The following CACNB4 variants were observed in gnomAD, a reference collection of about 807,000 sequenced individuals.
The protein encoded by CACNB4 is calcium voltage-gated channel auxiliary subunit beta 4, also known as voltage-dependent L-type calcium channel subunit beta-4.
Under a neutral mutation model 71.2 loss-of-function variants are expected in CACNB4, and 32 were observed. The ratio of observed to expected loss-of-function variants is 0.45; its 90% CI spans 0.34 to 0.60. CACNB4 has a LOEUF of 0.60. Among genes scored for constraint, CACNB4 ranks in the 20% least tolerant of loss-of-function variants. The probability of loss-of-function intolerance (pLI) is 0.01; values close to 1 mark genes in which losing one functional copy is unlikely to be tolerated. For synonymous variants in CACNB4, 231 were observed against 236.9 expected, an observed-to-expected ratio of 0.97 and a Z score of 0.23; for missense variants, 464 against 647.9, an observed-to-expected ratio of 0.72 and a Z score of 3.08.
chr2:151,903,115 A>C (rs753339316), intron 2 of CACNB4, among the ~76,000 whole-genome samples: 2 of 152,200 alleles, frequency 1.3e-5, no homozygotes, highest in Non-Finnish European at 2.9e-5. Flanking sequence ...TATATTTACT[A>C]AGATTAGGTA....
chr2:151,982,494 C>G (rs1029610816), intron 2 of CACNB4, among the ~76,000 whole-genome samples: 1 of 152,010 alleles, frequency 6.6e-6, no homozygotes, highest in African/African-American at 2.4e-5. Flanking sequence ...ATCAGCCAGG[C>G]GTGGTGGCTG....
Position 152,098,582 on chromosome 2 carries a change from C to CCCCAAAA in CACNB4, c.64-170_64-169insTTTTGGG. On this transcript the variant is annotated intron_variant, in intron 1 of 13. Transcript: ENST00000539935. The surrounding 1 kb of genome is among the most constrained non-coding windows in gnomAD (Gnocchi z 5.3). ...AAATACAGCCCCCACCCCCACCCAC[C>CCCCAAAA]CACTGCAAGCCTCGACTGCTGAAAA... The CCCCAAAA allele has an allele frequency of 9.9e-7, 1 of 1,009,710 alleles. No homozygotes were observed. Among genetic ancestry groups the CCCCAAAA allele is most frequent in the Non-Finnish European group, 1.5e-6 (1 of 651,340 alleles). 62.5% of individuals were successfully genotyped at this position (1,009,710 alleles called of 1,614,324 possible).
intron 2 of CACNB4, among the ~76,000 whole-genome samples, chr2:152,048,120 T>C (rs1158013199): frequency 6.6e-6 from 1 of 152,098 alleles, no homozygotes. Context: ...ACCAGATGAC[T>C]CTTTGTTATG....
At chr2:151,952,168 C>G (rs748505270) in intron 2 of CACNB4, among the ~76,000 whole-genome samples, 5 of 152,106 alleles carry the variant, frequency 3.3e-5, no homozygotes, top group Non-Finnish European at 5.9e-5. Flanking sequence ...CAAATATCAA[C>G]TAATCAGAGT....
chr2:151,986,036 T>C (rs2151756050), intron 2 of CACNB4, among the ~76,000 whole-genome samples: 1 of 152,322 alleles, frequency 6.6e-6, no homozygotes, highest in South Asian at 2.1e-4. Context: ...TAGTTAGGTA[T>C]CATATCTGGT....
chr2:151,838,976 T>G lies in CACNB4; in HGVS notation c.*143A>C. The G allele has an allele frequency of 1.6e-6, 1 of 637,082 alleles. No homozygotes were observed. Among genetic ancestry groups the G allele is most frequent in the Non-Finnish European group, 2.6e-6 (1 of 381,164 alleles). 39.5% of individuals were successfully genotyped at this position (637,082 alleles called of 1,614,324 possible). A position where few individuals can be genotyped will look rare whatever the true frequency, so the allele number is the denominator to read the frequency against. The stretch of plus-strand genomic sequence containing the variant: ...TCAAGGGCATAATGTAATTTTTTTT[T>G]TTGCCCCTTACTTAGCATAAAATGA... On this transcript the variant is annotated 3_prime_UTR_variant, in exon 14 of 14. Transcript: ENST00000539935.
intron 2 of CACNB4, among the ~76,000 whole-genome samples, chr2:151,920,467 C>G (rs977048772): frequency 6.6e-6 from 1 of 151,834 alleles, no homozygotes; most frequent in African/African-American, 2.4e-5. Flanking sequence ...GGACTACAGG[C>G]ACGTGCCACC....
At chr2:152,022,670 T>C (rs949258087) in intron 2 of CACNB4, among the ~76,000 whole-genome samples, 1 of 152,250 alleles carries the variant, frequency 6.6e-6, no homozygotes, top group Non-Finnish European at 1.5e-5. Context: ...CCATGCAATA[T>C]GCATGTTTAC....
intron 2 of CACNB4, among the ~76,000 whole-genome samples, chr2:152,026,559 A>T (rs982429569): frequency 1.4e-4 from 21 of 152,026 alleles, no homozygotes; most frequent in African/African-American, 5.1e-4. Context: ...TAATTTTTGT[A>T]CTTTTAGCAG....
intron 11 of CACNB4, chr2:151,854,568 C>T (rs940358552): frequency 1.3e-5 from 2 of 152,160 alleles, no homozygotes; most frequent in African/African-American, 4.8e-5. Context: ...AACCATTTCA[C>T]GTTAACTTTT....
chr2:151,841,624 T>C lies in CACNB4; in HGVS notation c.1302+279A>G. 2 of 353,676 alleles carry C rather than the reference T, an allele frequency of 5.7e-6. 1 individual carries two copies. The highest frequency in any genetic ancestry group is 6.7e-5 in the South Asian group (2 of 29,726). The allele number at this position is 353,676 out of a possible 1,614,324, so 21.9% of individuals were successfully genotyped here. A position where few individuals can be genotyped will look rare whatever the true frequency, so the allele number is the denominator to read the frequency against. On this transcript the variant is annotated intron_variant, in intron 13 of 13. Transcript: ENST00000539935. The stretch of plus-strand genomic sequence containing the variant: ...AATGGGCAGGTGCATTGAGTAGGCA[T>C]TACGTTTGCCAGCAGAGTTTAGACA...
At chr2:151,982,662 T>C (rs2099874935) in intron 2 of CACNB4, among the ~76,000 whole-genome samples, 1 of 150,582 alleles carries the variant, frequency 6.6e-6, no homozygotes, top group African/African-American at 2.4e-5. Flanking sequence ...AGATACTGAC[T>C]GCCTTCCCAT....
intron 9 of CACNB4, chr2:151,868,456 G>A (rs1237834279): frequency 6.6e-6 from 1 of 152,046 alleles, no homozygotes; most frequent in Non-Finnish European, 1.5e-5. Context: ...ATTTAGAATT[G>A]AGTCAATACA....
chr2:151,917,577 C>T (rs2099857840), intron 2 of CACNB4, among the ~76,000 whole-genome samples: 1 of 152,140 alleles, frequency 6.6e-6, no homozygotes, highest in South Asian at 2.1e-4. Context: ...TGGCTCATGC[C>T]TGTAATCTCA....
chr2:151,884,390 G>A (rs1323407943), intron 2 of CACNB4, among the ~76,000 whole-genome samples: 2 of 149,360 alleles, frequency 1.3e-5, no homozygotes, highest in Non-Finnish European at 1.5e-5. Context: ...TTGGGAGGCC[G>A]AGGTGGGAGG....
At chr2:151,861,851 A>AAAAAAACAACAAAAAAAAAAAAAC (rs1553750171) in intron 9 of CACNB4, 2 of 135,288 alleles carry the variant, frequency 1.5e-5, no homozygotes. Context: ...TCAAAAAAAA[A>AAAAAAACAACAAAAAAAAAAAAAC]AAAAAAACTG....
chr2:151,973,760 T>A, intron 2 of CACNB4: 1 of 1,601,384 alleles, frequency 6.2e-7, no homozygotes, highest in Admixed American at 1.7e-5. Context: ...AAAACAAAAT[T>A]GCTGCAGAAA....
chr2:152,086,176 A>G (rs1261206053), intron 2 of CACNB4, among the ~76,000 whole-genome samples: 1 of 152,252 alleles, frequency 6.6e-6, no homozygotes, highest in Non-Finnish European at 1.5e-5. Context: ...CAGAGTTTTT[A>G]AAAAGATATT....
chr2:152,002,224 C>CT (rs1560122914), intron 2 of CACNB4, among the ~76,000 whole-genome samples: 1 of 152,166 alleles, frequency 6.6e-6, no homozygotes, highest in Non-Finnish European at 1.5e-5. Context: ...AGAGAAGAGG[C>CT]TTTTTTTGTT....
Sources: gnomAD v4.1 joint callset for allele counts (sites outside exome capture counted in the v4.1 genomes callset) on GRCh38, gnomAD v4.1.1 for gene constraint, Gnocchi (gnomAD v3.1) non-coding constraint, MANE v1.5 for transcripts, NCBI Gene and HGNC (gene_info 2026-07-23, HGNC 2026-07-21) for gene names.